Variants in MAST4 observed in about 807,000 individuals in gnomAD.
The protein encoded by MAST4 is microtubule-associated serine/threonine-protein kinase 4.
Under a neutral mutation model 162.7 loss-of-function variants are expected in MAST4, and 89 were observed. The ratio of observed to expected loss-of-function variants is 0.55; its 90% CI spans 0.46 to 0.65. The LOEUF is 0.65. Ranked by LOEUF, MAST4 falls within the 30% of genes least tolerant of loss-of-function variation. The pLI, the probability that MAST4 is intolerant of heterozygous loss-of-function variation, is 0.00. For missense variants in MAST4, 3,153 were observed against 3,374.0 expected (o/e 0.93, Z 1.62); for synonymous variants, 1,479 against 1,361.1 (o/e 1.09, Z -1.91).
chr5:67,165,299 G>A lies in MAST4; in HGVS notation c.6120G>A (p.Gly2040=). 1.2e-6 allele frequency: 2 copies of A among 1,613,540 alleles called. No individual in the cohort carries two copies. The highest frequency in any genetic ancestry group is 1.7e-6 in the Non-Finnish European group (2 of 1,179,886). The change falls in exon 29 of 29, where the codon GGG becomes GGA. Residue 2040 remains glycine, a synonymous_variant. Coordinates refer to ENST00000403625, the MANE Select transcript of MAST4 (RefSeq NM_001164664.2). Reference sequence around the variant, plus strand: ...TGGAGAAAGCATGGGCGCCGGGTGGGAAAACGAACCACAAAGATGGCCCAG... The same window carrying A: ...TGGAGAAAGCATGGGCGCCGGGTGGAAAAACGAACCACAAAGATGGCCCAG... ...QAMEKAWAPG[G]KTNHKDGPGE... is the part of the protein sequence containing the mutation.
At position 66,776,832 on chromosome 5, in the gene MAST4, G is replaced by A. The variant is rs563613255; in HGVS notation, c.518-11838G>A. 2.0e-5 allele frequency among the ~76,000 whole-genome samples: 3 copies of A among 152,214 alleles called. 1 individual carries two copies. In the South Asian group the frequency reaches 6.2e-4, roughly 32 times the overall value. On this transcript the variant is annotated intron_variant, in intron 2 of 28. Coordinates refer to ENST00000403625, the MANE Select transcript of MAST4 (RefSeq NM_001164664.2). Reference sequence around the variant, plus strand: ...GAACATACTGCATACAGAAATAAATGGCACTCTGTACATGTGCACCCACAC... The same window carrying A: ...GAACATACTGCATACAGAAATAAATAGCACTCTGTACATGTGCACCCACAC...
chr5:66,689,782 C>T (rs6866029), intron 1 of MAST4, among the ~76,000 whole-genome samples: 3,085 of 152,262 alleles, frequency 0.02, 126 homozygotes, highest in African/African-American at 0.069. Context: ...GTCATTAAAA[C>T]GTACAGTGCC....
intron 1 of MAST4, among the ~76,000 whole-genome samples, chr5:66,655,851 G>A (rs1746509079): frequency 6.6e-6 from 1 of 152,004 alleles, no homozygotes; most frequent in South Asian, 2.1e-4. Context: ...CTGTTGTGAG[G>A]GCACAAAATG....
chr5:66,713,548 A>G (rs1382207224), intron 1 of MAST4, among the ~76,000 whole-genome samples: 1 of 152,206 alleles, frequency 6.6e-6, no homozygotes, highest in Non-Finnish European at 1.5e-5. Flanking sequence ...AATATTTTAC[A>G]CTATGAAGTT....
At chr5:67,093,512 G>C (rs1451899405) in intron 6 of MAST4, 2 of 353,394 alleles carry the variant, frequency 5.7e-6, no homozygotes, top group Non-Finnish European at 1.2e-5. Flanking sequence ...CTCCATTTGA[G>C]TAAATAGACA....
At chr5:67,137,103 C>T (rs1462539733) in intron 19 of MAST4, among the ~76,000 whole-genome samples, 1 of 152,134 alleles carries the variant, frequency 6.6e-6, no homozygotes, top group Non-Finnish European at 1.5e-5. Flanking sequence ...TTACTATACA[C>T]AAGCTTTGAA....
intron 1 of MAST4, among the ~76,000 whole-genome samples, chr5:66,666,586 G>A (rs1432881527): frequency 6.6e-6 from 1 of 152,170 alleles, no homozygotes; most frequent in East Asian, 1.9e-4. Context: ...AGCTAATTTA[G>A]TAGAGAAATT....
rs59161379 is a variant in MAST4, at chr5:66,850,929, CTT to C, written c.643-49007_643-49006del. 9.9e-3 allele frequency among the ~76,000 whole-genome samples: 1,363 copies of C among 137,602 alleles called. 14 individuals are homozygous for C. The highest frequency in any genetic ancestry group is 0.033 in the African/African-American group (1,204 of 36,938). The allele number at this position is 137,602 out of a possible 152,430, so 90.3% of individuals were successfully genotyped here. ...CCAAGATGTTGCCACCATTTTAAGC[CTT>C]TTTTTTTTTTTTTTGAAGAAAAAAA... On this transcript the variant is annotated intron_variant, in intron 3 of 28. Transcript: ENST00000403625.
chr5:66,817,863 T>G (rs1432252477), intron 3 of MAST4, among the ~76,000 whole-genome samples: 1 of 152,168 alleles, frequency 6.6e-6, no homozygotes, highest in Non-Finnish European at 1.5e-5. Context: ...TGAGATAGAT[T>G]GTCTTGATTT....
Position 67,136,591 on chromosome 5 carries a change from G to T in MAST4, c.2421G>T (p.Glu807Asp). ...AGATCAACTGGCCTGAGAAGGATGA[G>T]GCACCCCCACCTGATGCCCAGGATC... ...SDEINWPEKDEAPPPDAQDLI... is the reference protein window; with the variant it reads ...SDEINWPEKDDAPPPDAQDLI... The change falls in exon 19 of 29, where the codon GAG (glutamate) becomes GAT (aspartate). Residue 807 changes from glutamate to aspartate, a missense_variant. Around this residue, in one of 7 missense-constraint regions of MAST4, gnomAD observed 62 missense variants for 63.1 expected, o/e 0.98. Coordinates refer to ENST00000403625, the MANE Select transcript of MAST4 (RefSeq NM_001164664.2). The T allele has an allele frequency of 6.2e-7, 1 of 1,606,202 alleles. No homozygotes were observed. The highest frequency in any genetic ancestry group is 1.1e-5 in the South Asian group (1 of 88,866).
At chr5:66,965,465 G>A (rs1307492961) in intron 4 of MAST4, among the ~76,000 whole-genome samples, 6 of 151,630 alleles carry the variant, frequency 4.0e-5, no homozygotes. Context: ...TCAGTGCTAA[G>A]GTAGTGCAGA....
intron 3 of MAST4, among the ~76,000 whole-genome samples, chr5:66,852,249 G>T (rs1580655970): frequency 6.6e-6 from 1 of 152,134 alleles, no homozygotes; most frequent in African/African-American, 2.4e-5. Context: ...CCAGGCTCAG[G>T]TGGTCCTCCC....
rs1208896838 is a variant in MAST4 at position 67,166,774 on chromosome 5, A to T, written c.7595A>T (p.Glu2532Val). The change falls in exon 29 of 29, where the codon GAG becomes GTG. Residue 2532 changes from glutamate to valine, a missense_variant. Glu to Val is a moderately radical substitution (Grantham distance 121). Around this residue, in one of 7 missense-constraint regions of MAST4, gnomAD observed 1,644 missense variants for 1,495.0 expected, o/e 1.10. Coordinates refer to ENST00000403625, the MANE Select transcript of MAST4 (RefSeq NM_001164664.2). ...PSFRVSTLPL[E>V]SHHPDPNTMG... ...TTCCGGGTCTCCACCCTGCCTCTGG[A>T]GTCACACCACCCCGACCCAAACACC... is the stretch of plus-strand genomic sequence containing the variant. 5 of 1,601,578 alleles carry T rather than the reference A, an allele frequency of 3.1e-6. No homozygotes were observed. Among genetic ancestry groups the T allele is most frequent in the Non-Finnish European group, 4.3e-6 (5 of 1,174,742 alleles).
chr5:66,784,395 G>A (rs1291013114), intron 2 of MAST4, among the ~76,000 whole-genome samples: 4 of 152,052 alleles, frequency 2.6e-5, no homozygotes, highest in South Asian at 4.2e-4. Flanking sequence ...TACATTCTCC[G>A]GATACATTAA....
chr5:66,991,417 A>T (rs139945070), intron 4 of MAST4, among the ~76,000 whole-genome samples: 1 of 152,148 alleles, frequency 6.6e-6, no homozygotes, highest in African/African-American at 2.4e-5. Flanking sequence ...TACCTGTCTT[A>T]TATCTTTGAA....
intron 1 of MAST4, among the ~76,000 whole-genome samples, chr5:66,624,473 G>A (rs1441938371): frequency 6.6e-6 from 1 of 151,964 alleles, no homozygotes; most frequent in Non-Finnish European, 1.5e-5. Context: ...TTTATACTAT[G>A]CCAAACAACA....
At chr5:66,845,077 A>T in intron 3 of MAST4, among the ~76,000 whole-genome samples, 1 of 112,988 alleles carries the variant, frequency 8.9e-6, no homozygotes, top group East Asian at 3.1e-4. Flanking sequence ...CATTAAGGTC[A>T]CTAATCTTTA....
intron 4 of MAST4, among the ~76,000 whole-genome samples, chr5:67,051,232 G>A (rs1163509524): frequency 6.7e-6 from 1 of 149,568 alleles, no homozygotes; most frequent in Non-Finnish European, 1.5e-5. Flanking sequence ...CTGGTGAAAA[G>A]GAAGGAGCCT....
At chr5:66,778,291 T>G (rs1362081539) in intron 2 of MAST4, among the ~76,000 whole-genome samples, 1 of 152,204 alleles carries the variant, frequency 6.6e-6, no homozygotes, top group Non-Finnish European at 1.5e-5. Flanking sequence ...GAATTTTAAA[T>G]CCAGAAAAAT....
Sources: gnomAD v4.1 joint callset for allele counts (sites outside exome capture counted in the v4.1 genomes callset) on GRCh38, gnomAD v4.1.1 for gene constraint, gnomAD v4.1.1 regional missense constraint, MANE v1.5 for transcripts, NCBI Gene and HGNC (gene_info 2026-07-23, HGNC 2026-07-21) for gene names.